Variants in BBS9 observed in about 807,000 individuals in gnomAD.
BBS9 encodes protein PTHB1.
Under a neutral mutation model 117.7 loss-of-function variants are expected in BBS9, and 89 were observed. The ratio of observed to expected loss-of-function variants is 0.76; its 90% CI spans 0.64 to 0.90. The LOEUF (loss-of-function observed/expected upper bound fraction) is 0.90. Ranked by LOEUF, BBS9 falls within the 40% of genes least tolerant of loss-of-function variation. The pLI is 0.00. For missense variants in BBS9, 982 were observed against 1,042.2 expected (o/e 0.94, Z 0.80); for synonymous variants, 379 against 370.9 (o/e 1.02, Z -0.25).
intron 9 of BBS9, among the ~76,000 whole-genome samples, chr7:33,302,771 G>T (rs1054091622): frequency 1.3e-5 from 2 of 152,072 alleles, no homozygotes; most frequent in African/African-American, 4.8e-5. Flanking sequence ...GGTCTTTCGT[G>T]GTTCCATATA....
At chr7:33,606,904 G>C (rs1208035955), downstream of BBS9, among the ~76,000 whole-genome samples, 1 of 151,878 alleles carries the variant, frequency 6.6e-6, no homozygotes, top group African/African-American at 2.4e-5. Flanking sequence ...CTCTCTTGTT[G>C]TGTCTCTCTT....
chr7:33,439,179 A>G (rs1835758081), intron 19 of BBS9, among the ~76,000 whole-genome samples: 1 of 152,036 alleles, frequency 6.6e-6, no homozygotes, highest in African/African-American at 2.4e-5. Context: ...GGGAAGGACT[A>G]TCTCACCTTT....
At chr7:33,380,453 C>G (rs1356736768) in intron 17 of BBS9, 1 of 153,628 alleles carries the variant, frequency 6.5e-6, no homozygotes, top group African/African-American at 2.4e-5. Flanking sequence ...CTACCTTGGA[C>G]AAGACCTGTT....
chr7:33,154,910 C>A (rs935604558), intron 3 of BBS9, among the ~76,000 whole-genome samples: 1 of 152,214 alleles, frequency 6.6e-6, no homozygotes. Context: ...GTAATAGCCA[C>A]CTCCTTTAGT....
intron 21 of BBS9, among the ~76,000 whole-genome samples, chr7:33,628,070 C>T (rs1429712441): frequency 1.3e-5 from 2 of 152,134 alleles, no homozygotes; most frequent in African/African-American, 4.8e-5. Context: ...GGCAAATTCA[C>T]TGGAGAATTT....
In BBS9 at chr7:33,356,922, A is replaced by G. The variant is rs1819708358; in HGVS notation, c.1553-933A>G. Among the ~76,000 whole-genome samples the G allele has an allele frequency of 3.3e-5, 5 of 151,918 alleles. No homozygotes were observed. In the South Asian group the frequency reaches 8.3e-4, roughly 25 times the overall value. ...GAGTGTTCAGTTTTTCTACAGCACTATGGCACGGCATAGGCTTCTATATAT... is the reference window on the plus strand; with the variant it reads ...GAGTGTTCAGTTTTTCTACAGCACTGTGGCACGGCATAGGCTTCTATATAT... On this transcript the variant is annotated intron_variant, in intron 15 of 22. Transcript: ENST00000242067.
In BBS9 at chr7:33,505,640, GAAT is replaced by G. The variant is rs752782918; in HGVS notation, c.2294_2296del (p.Glu765_Leu766delinsVal). 5 of 1,613,162 alleles carry G rather than the reference GAAT, an allele frequency of 3.1e-6. No individual in the cohort carries two copies. In the Admixed American group the frequency reaches 8.3e-5, roughly 27 times the overall value. ...TCTGCCGCTACAAGAAGACACTCAAGAATTGGTAAGGACCTGAAAGCCTGTGGT... is the reference window on the plus strand; with the variant it reads ...TCTGCCGCTACAAGAAGACACTCAAGTGGTAAGGACCTGAAAGCCTGTGGT... On this transcript the variant is annotated inframe_deletion and splice_region_variant, in exon 20 of 23. Transcript: ENST00000242067.
chr7:33,573,728 T>C (rs1858229447), intron 21 of BBS9, among the ~76,000 whole-genome samples: 1 of 152,186 alleles, frequency 6.6e-6, no homozygotes, highest in Non-Finnish European at 1.5e-5. Flanking sequence ...CTGACTGATT[T>C]GTTCCACCTT....
Position 33,372,157 on chromosome 7 carries a change from G to A in BBS9, c.1789+4295G>A, listed in dbSNP as rs527679230. Reference sequence around the variant, plus strand: ...GTGGTCAGAGAATGGATCAGATATTGAGAACAAGAGTTCAGAGAGATTGCA... The same window carrying A: ...GTGGTCAGAGAATGGATCAGATATTAAGAACAAGAGTTCAGAGAGATTGCA... On this transcript the variant is annotated intron_variant, in intron 17 of 22. Transcript: ENST00000242067. Among the ~76,000 whole-genome samples, 12 of 152,238 alleles carry A rather than the reference G, an allele frequency of 7.9e-5. No individual in the cohort carries two copies. In the East Asian group the frequency reaches 2.3e-3, roughly 29 times the overall value.
chr7:33,433,617 G>A (rs1834859104), intron 19 of BBS9, among the ~76,000 whole-genome samples: 1 of 152,134 alleles, frequency 6.6e-6, no homozygotes, highest in South Asian at 2.1e-4. Context: ...CAGTCTGAGA[G>A]ACACAATTAT....
At position 33,230,636 on chromosome 7, in the gene BBS9, G is replaced by T. The variant is rs113508450; in HGVS notation, c.443-26600G>T. ...CCACTCTGTACACCTTTGTGTTCCC[G>T]TGGGTTAACTCCCACTTATAAGTGA... is the stretch of plus-strand genomic sequence containing the variant. On this transcript the variant is annotated intron_variant, in intron 5 of 22. Transcript: ENST00000242067. Among the ~76,000 whole-genome samples the T allele has an allele frequency of 3.9e-5, 6 of 152,246 alleles. 1 individual carries two copies. Among genetic ancestry groups the T allele is most frequent in the African/African-American group, 1.4e-4 (6 of 41,556 alleles).
intron 19 of BBS9, among the ~76,000 whole-genome samples, chr7:33,435,661 T>C (rs1429267211): frequency 5.3e-5 from 8 of 152,204 alleles, no homozygotes; most frequent in Non-Finnish European, 7.3e-5. Flanking sequence ...ATCCTGTGTT[T>C]GCAACTGTTG....
rs1302171532 is a variant in BBS9, at chr7:33,383,744, ATTT to A, written c.1870_1872del (p.Phe624del). On this transcript the variant is annotated inframe_deletion, in exon 18 of 23. Coordinates refer to ENST00000242067, the MANE Select transcript of BBS9 (RefSeq NM_198428.3). Reference sequence around the variant, plus strand: ...GAGCTTATTCTTCGCCTTCAAGAATATTTTGAAAAACAGGGAGTCAAAGATTTT... The same window carrying A: ...GAGCTTATTCTTCGCCTTCAAGAATATGAAAAACAGGGAGTCAAAGATTTT... 2.5e-6 allele frequency: 4 copies of A among 1,612,942 alleles called. No homozygotes were observed. The highest frequency in any genetic ancestry group is 3.4e-6 in the Non-Finnish European group (4 of 1,179,562).
At chr7:33,553,401 T>C (rs935028108) in intron 21 of BBS9, among the ~76,000 whole-genome samples, 1 of 152,222 alleles carries the variant, frequency 6.6e-6, no homozygotes, top group Non-Finnish European at 1.5e-5. Flanking sequence ...ATTTCCTGTT[T>C]TCCTCAGGGA....
rs772915882 is a variant in BBS9 at position 33,177,530 on chromosome 7, T to C, written c.381T>C (p.Tyr127=). ...HGNQCQMKLM[Y]EHNLQRTACN... The stretch of plus-strand genomic sequence containing the variant: ...ACCAATGTCAGATGAAATTGATGTA[T>C]GAACATAATCTTCAGAGAACAGCCT... The change falls in exon 5 of 23, where the codon TAT becomes TAC. Residue 127 remains tyrosine (Y), a synonymous_variant. Transcript: ENST00000242067. The C allele has an allele frequency of 3.7e-6, 6 of 1,613,472 alleles. No individual in the cohort carries two copies. In the African/African-American group the frequency reaches 6.7e-5, roughly 18 times the overall value.
intron 9 of BBS9, among the ~76,000 whole-genome samples, chr7:33,298,145 T>C (rs1217964241): frequency 6.6e-6 from 1 of 152,136 alleles, no homozygotes; most frequent in Admixed American, 6.6e-5. Flanking sequence ...TTTTTCATTT[T>C]AATTTTTTTT....
chr7:33,320,711 T>A (rs985110435), intron 9 of BBS9, among the ~76,000 whole-genome samples: 1 of 152,146 alleles, frequency 6.6e-6, no homozygotes, highest in African/African-American at 2.4e-5. Flanking sequence ...CTAACAACAA[T>A]GTATGAGTGT....
intron 21 of BBS9, among the ~76,000 whole-genome samples, chr7:33,572,858 C>A (rs910475941): frequency 6.6e-5 from 10 of 151,922 alleles, no homozygotes; most frequent in African/African-American, 2.2e-4. Context: ...ATTTACCTAT[C>A]CATTTTTAAA....
intron 21 of BBS9, among the ~76,000 whole-genome samples, chr7:33,545,063 ACTC>A (rs1208330002): frequency 5.3e-5 from 8 of 151,864 alleles, no homozygotes; most frequent in Non-Finnish European, 1.2e-4. Context: ...AACAGCCCCG[ACTC>A]TGTTTCTAGG....
Sources: gnomAD v4.1 joint callset for allele counts (sites outside exome capture counted in the v4.1 genomes callset) on GRCh38, gnomAD v4.1.1 for gene constraint, MANE v1.5 for transcripts, NCBI Gene and HGNC (gene_info 2026-07-23, HGNC 2026-07-21) for gene names.